The following CYP20A1 variants were observed in gnomAD, a reference collection of about 807,000 sequenced individuals.
CYP20A1 encodes cytochrome P450 20A1.
In CYP20A1, 61 loss-of-function variants were observed where a neutral mutation model predicts 61.4. The ratio of observed to expected loss-of-function variants is 0.99; its 90% CI spans 0.81 to 1.23. CYP20A1 has a LOEUF of 1.23. CYP20A1 is among the 50% of genes most tolerant of loss of function. The pLI is 0.00. For synonymous variants in CYP20A1, 193 were observed against 188.2 expected (o/e 1.03, Z -0.21); for missense variants, 530 against 542.4 (o/e 0.98, Z 0.23).
At chr2:203,250,743 T>G (rs2066631370) in intron 3 of CYP20A1, among the ~76,000 whole-genome samples, 1 of 152,122 alleles carries the variant, frequency 6.6e-6, no homozygotes, top group Non-Finnish European at 1.5e-5. Context: ...ATCTGACAGA[T>G]TTTTCTGTCT....
intron 3 of CYP20A1, among the ~76,000 whole-genome samples, chr2:203,250,659 T>C (rs940168252): frequency 1.3e-5 from 2 of 152,206 alleles, no homozygotes; most frequent in African/African-American, 4.8e-5. Flanking sequence ...GAGGGAAGTA[T>C]GTAAACATTC....
chr2:203,285,611 G>C lies in CYP20A1; in HGVS notation c.851-1G>C. The C allele has an allele frequency of 1.9e-6, 3 of 1,580,982 alleles. No homozygotes were observed. Among genetic ancestry groups the C allele is most frequent in the Non-Finnish European group, 2.6e-6 (3 of 1,170,802 alleles). Reference sequence around the variant, plus strand: ...TGTTATTCATATAATGTTTGACCTAGTGTGTACCTGGGCAATCTGTTTTTT... The same window carrying C: ...TGTTATTCATATAATGTTTGACCTACTGTGTACCTGGGCAATCTGTTTTTT... On this transcript the variant is annotated splice_acceptor_variant, in intron 8 of 12. Transcript: ENST00000356079. LOFTEE classifies it high-confidence loss of function.
chr2:203,263,208 C>T (rs1281085462), intron 4 of CYP20A1, among the ~76,000 whole-genome samples: 1 of 151,218 alleles, frequency 6.6e-6, no homozygotes, highest in Non-Finnish European at 1.5e-5. Flanking sequence ...AGGCTGGTCT[C>T]GAACTCCTGA....
chr2:203,275,974 T>C (rs2067803848), intron 6 of CYP20A1, among the ~76,000 whole-genome samples: 1 of 152,066 alleles, frequency 6.6e-6, no homozygotes, highest in Non-Finnish European at 1.5e-5. Flanking sequence ...CAGAAGGGGA[T>C]AGGGAGTGCC....
intron 7 of CYP20A1, among the ~76,000 whole-genome samples, chr2:203,279,802 C>T (rs945451415): frequency 6.6e-6 from 1 of 151,982 alleles, no homozygotes; most frequent in African/African-American, 2.4e-5. Context: ...ATACATGTAC[C>T]GAAAATCACT....
At chr2:203,256,902 G>C (rs1462538135) in intron 4 of CYP20A1, among the ~76,000 whole-genome samples, 1 of 151,870 alleles carries the variant, frequency 6.6e-6, no homozygotes, top group African/African-American at 2.4e-5. Flanking sequence ...ATTTTTCCCA[G>C]CCTTGCATGG....
intron 8 of CYP20A1, among the ~76,000 whole-genome samples, chr2:203,282,714 TGA>T (rs1431785362): frequency 6.6e-6 from 1 of 152,260 alleles, no homozygotes; most frequent in African/African-American, 2.4e-5. Context: ...CCGAAGTTTT[TGA>T]GAGAGTAGAT....
intron 4 of CYP20A1, among the ~76,000 whole-genome samples, chr2:203,253,469 C>T (rs2066775105): frequency 6.6e-6 from 1 of 152,102 alleles, no homozygotes; most frequent in East Asian, 1.9e-4. Context: ...GAACTGAGGA[C>T]CAGAGAGACT....
Position 203,252,014 on chromosome 2 carries a change from G to A in CYP20A1, c.337G>A (p.Gly113Ser). The A allele has an allele frequency of 1.2e-6, 2 of 1,610,538 alleles. No homozygotes were observed. The highest frequency in any genetic ancestry group is 1.1e-5 in the South Asian group (1 of 90,742). ...MLKSLLRYQS[G>S]GGSVSENHMR... is the part of the protein sequence containing the mutation. ...GAAGTCATTATTAAGGTATCAATCT[G>A]GTGGTGGCAGTGTGAGTGAAAACCA... is the stretch of plus-strand genomic sequence containing the variant. The change falls in exon 4 of 13, where the codon GGT becomes AGT. Residue 113 changes from glycine to serine, a missense_variant. By Grantham distance (56) the Gly-to-Ser change is moderately conservative (BLOSUM62 0). Transcript: ENST00000356079.
chr2:203,293,564 T>G (rs2068638630), intron 11 of CYP20A1, among the ~76,000 whole-genome samples: 2 of 151,450 alleles, frequency 1.3e-5, no homozygotes, highest in South Asian at 4.2e-4. Flanking sequence ...CTCTTTTTGC[T>G]TTTTTTAAAT....
chr2:203,266,663 C>G lies in CYP20A1; in HGVS notation c.582C>G (p.Phe194Leu), dbSNP rs1444339561. 1 of 1,613,874 alleles carries G rather than the reference C, an allele frequency of 6.2e-7. No homozygotes were observed. Among genetic ancestry groups the G allele is most frequent in the East Asian group, 2.2e-5 (1 of 44,878 alleles). ...TFEDDQEVIR[F>L]QKNHGTVWSE... Reference sequence around the variant, plus strand: ...AAGATGATCAGGAAGTCATTCGCTTCCAGAAGAATCATGGCACAGTAAGTC... The same window carrying G: ...AAGATGATCAGGAAGTCATTCGCTTGCAGAAGAATCATGGCACAGTAAGTC... The change falls in exon 5 of 13, where the codon TTC becomes TTG. Residue 194 changes from phenylalanine to leucine, a missense_variant. Physicochemically the swap from Phe to Leu is conservative, Grantham distance 22. Coordinates refer to ENST00000356079, the MANE Select transcript of CYP20A1 (RefSeq NM_177538.3).
chr2:203,298,966 C>T lies in CYP20A1; in HGVS notation c.*2058C>T, dbSNP rs1464575982. Among the ~76,000 whole-genome samples the T allele has an allele frequency of 1.3e-5, 2 of 151,772 alleles. No individual in the cohort carries two copies. Among genetic ancestry groups the T allele is most frequent in the East Asian group, 1.9e-4 (1 of 5,174 alleles). Reference sequence around the variant, plus strand: ...AGGAGAATCGCTTGAACCTGGGAGGCGGAGGTTGCAGTGAGCTGATGTTGT... The same window carrying T: ...AGGAGAATCGCTTGAACCTGGGAGGTGGAGGTTGCAGTGAGCTGATGTTGT... On this transcript the variant is annotated 3_prime_UTR_variant, in exon 13 of 13. Coordinates refer to ENST00000356079, the MANE Select transcript of CYP20A1 (RefSeq NM_177538.3).
rs562797461 is a variant in CYP20A1, at chr2:203,302,263, A to G, written c.*5355A>G. On this transcript the variant is annotated 3_prime_UTR_variant, in exon 13 of 13. Coordinates refer to ENST00000356079, the MANE Select transcript of CYP20A1 (RefSeq NM_177538.3). ...ATTCTAATGTAGGCCGGGCACAGTG[A>G]CTCATGCCTATAACTCAAGCACTTT... 1.2e-4 allele frequency among the ~76,000 whole-genome samples: 18 copies of G among 152,100 alleles called. No homozygotes were observed. Among genetic ancestry groups the G allele is most frequent in the Non-Finnish European group, 2.6e-4 (18 of 67,992 alleles).
chr2:203,287,215 C>CAAAAAAAAAAAAAAA (rs1168549640), intron 9 of CYP20A1, among the ~76,000 whole-genome samples: 1 of 47,052 alleles, frequency 2.1e-5, no homozygotes, highest in Non-Finnish European at 3.7e-5. Context: ...GACCCTATCT[C>CAAAAAAAAAAAAAAA]AAAAAAAAAA....
rs2068985024 is a variant in CYP20A1 at position 203,300,722 on chromosome 2, T to C, written c.*3814T>C. Among the ~76,000 whole-genome samples, 1 of 150,234 alleles carries C rather than the reference T, an allele frequency of 6.7e-6. No homozygotes were observed. Among genetic ancestry groups the C allele is most frequent in the South Asian group, 2.1e-4 (1 of 4,764 alleles). On this transcript the variant is annotated 3_prime_UTR_variant, in exon 13 of 13. Transcript: ENST00000356079. ...CTGACCAACATGGAGAAACCCTGTC[T>C]CTACCAAAAATACAAAATTAGCCGG...
intron 1 of CYP20A1, among the ~76,000 whole-genome samples, chr2:203,240,542 G>A (rs1362651347): frequency 1.3e-5 from 2 of 152,192 alleles, no homozygotes; most frequent in Non-Finnish European, 2.9e-5. Context: ...AATAAAGTTG[G>A]GGATAGGTAG....
At chr2:203,289,548 CAA>C (rs1316658691) in intron 9 of CYP20A1, among the ~76,000 whole-genome samples, 1 of 151,682 alleles carries the variant, frequency 6.6e-6, no homozygotes, top group Non-Finnish European at 1.5e-5. Flanking sequence ...AGATTTATAA[CAA>C]ATCTTATAAA....
chr2:203,305,720 G>C lies in CYP20A1; in HGVS notation c.*8812G>C, dbSNP rs1262563549. 6.6e-6 allele frequency: 1 copy of C among 152,134 alleles called. No homozygotes were observed. Among genetic ancestry groups the C allele is most frequent in the African/African-American group, 2.4e-5 (1 of 41,436 alleles). 9.4% of individuals were successfully genotyped at this position (152,134 alleles called of 1,614,324 possible). A position where few individuals can be genotyped will look rare whatever the true frequency, so the allele number is the denominator to read the frequency against. ...TTTGTTACTTTACCATTGTAACTAT[G>C]TCATAAAGTCATAAAGTACCTGTCC... On this transcript the variant is annotated 3_prime_UTR_variant, in exon 13 of 13. Transcript: ENST00000356079.
At chr2:203,255,233 A>G (rs756328845) in intron 4 of CYP20A1, among the ~76,000 whole-genome samples, 15 of 152,002 alleles carry the variant, frequency 9.9e-5, no homozygotes, top group Admixed American at 1.3e-4. Context: ...GAAACCTTCA[A>G]CTCCTGAGAA....
Sources: allele counts gnomAD v4.1 joint callset (sites outside exome capture counted in the v4.1 genomes callset), GRCh38; gene constraint gnomAD v4.1.1; transcripts MANE v1.5; gene names NCBI Gene and HGNC (gene_info 2026-07-23, HGNC 2026-07-21).